CACNA2D1: variants seen among roughly 807,000 people sequenced by gnomAD.
CACNA2D1 encodes calcium voltage-gated channel auxiliary subunit alpha2delta 1, also known as voltage-dependent calcium channel subunit alpha-2/delta-1.
CACNA2D1 carries 53 observed loss-of-function variants against 171.5 expected under a neutral mutation model. The ratio of observed to expected loss-of-function variants is 0.31; its 90% CI spans 0.25 to 0.39. The LOEUF (loss-of-function observed/expected upper bound fraction) is 0.39, where lower values mean the gene tolerates loss of function less well. CACNA2D1 is among the 10% of genes least tolerant of loss of function. The probability of loss-of-function intolerance (pLI) is 1.00; values close to 1 mark genes in which losing one functional copy is unlikely to be tolerated. For synonymous variants in CACNA2D1, 442 were observed against 443.1 expected (o/e 1.00, Z 0.03); for missense variants, 903 against 1,299.8 (o/e 0.69, Z 4.69).
intron 4 of CACNA2D1, among the ~76,000 whole-genome samples, chr7:82,139,616 C>T (rs138499483): frequency 4.7e-4 from 71 of 152,184 alleles, no homozygotes; most frequent in African/African-American, 5.1e-4. Flanking sequence ...TAAGTGTTAA[C>T]GAATTTGTAC....
chr7:82,090,000 T>C (rs1019054350), intron 6 of CACNA2D1, among the ~76,000 whole-genome samples: 7 of 152,206 alleles, frequency 4.6e-5, no homozygotes, highest in African/African-American at 1.2e-4. Context: ...TGAGATGTCA[T>C]TGACATATAA....
At chr7:82,324,391 T>TA (rs58332794) in intron 3 of CACNA2D1, among the ~76,000 whole-genome samples, 75,530 of 142,530 alleles carry the variant, frequency 0.53, 21,078 homozygotes, top group East Asian at 0.79. Flanking sequence ...GGAGTTGTTT[T>TA]AAAAAAAAAA....
At chr7:82,425,046 T>G (rs1829053083) in intron 1 of CACNA2D1, among the ~76,000 whole-genome samples, 1 of 152,204 alleles carries the variant, frequency 6.6e-6, no homozygotes, top group Non-Finnish European at 1.5e-5. Context: ...TGAAGGGATG[T>G]CACTCCCTTA....
chr7:82,074,046 AG>A (rs1400306344), intron 7 of CACNA2D1, among the ~76,000 whole-genome samples: 1 of 152,230 alleles, frequency 6.6e-6, no homozygotes, highest in East Asian at 1.9e-4. Flanking sequence ...AATATAATAC[AG>A]GGGTAAACAA....
At chr7:82,193,856 A>G (rs907610518) in intron 3 of CACNA2D1, among the ~76,000 whole-genome samples, 21 of 152,148 alleles carry the variant, frequency 1.4e-4, no homozygotes, top group African/African-American at 5.1e-4. Context: ...AAAATCAAAG[A>G]ACGTATTTAC....
intron 10 of CACNA2D1, among the ~76,000 whole-genome samples, chr7:82,046,338 T>C (rs898147090): frequency 2.6e-5 from 4 of 152,190 alleles, no homozygotes; most frequent in Non-Finnish European, 5.9e-5. Flanking sequence ...CATAAATATC[T>C]TCACTAATGA....
At chr7:81,986,628 A>G (rs1263664463) in intron 21 of CACNA2D1, among the ~76,000 whole-genome samples, 2 of 152,210 alleles carry the variant, frequency 1.3e-5, no homozygotes, top group Non-Finnish European at 2.9e-5. Flanking sequence ...AGCAAAATGA[A>G]TGGATGCTTG....
intron 38 of CACNA2D1, among the ~76,000 whole-genome samples, chr7:81,957,382 A>C (rs765240053): frequency 2.6e-5 from 4 of 152,142 alleles, no homozygotes; most frequent in Admixed American, 1.3e-4. Flanking sequence ...TTAATATCGC[A>C]GATTTAGGAA....
intron 24 of CACNA2D1, among the ~76,000 whole-genome samples, chr7:81,975,365 T>G (rs947523504): frequency 1.3e-5 from 2 of 152,188 alleles, no homozygotes; most frequent in Admixed American, 6.5e-5. Flanking sequence ...AAAGTGGCAA[T>G]GTTTTACATA....
chr7:81,970,723 G>T lies in CACNA2D1; in HGVS notation c.2156C>A (p.Ala719Glu). 1 of 1,589,668 alleles carries T rather than the reference G, an allele frequency of 6.3e-7. No homozygotes were observed. The highest frequency in any genetic ancestry group is 8.6e-7 in the Non-Finnish European group (1 of 1,158,442). Residue 719 changes from alanine to glutamate, a missense_variant, in exon 27 of 39, where the codon GCA becomes GAA. Physicochemically the swap from Ala to Glu is moderately radical, Grantham distance 107. This residue lies in a region of CACNA2D1 where 623 missense variants were observed against 925.5 expected (regional missense o/e 0.67). Coordinates refer to ENST00000356860, the MANE Select transcript of CACNA2D1 (RefSeq NM_000722.4). ...SKQKNIKGVK[A>E]RFVVTDGGIT... The stretch of plus-strand genomic sequence containing the variant: ...CCCACCATCAGTCACAACAAATCGT[G>T]CTTTCACTCCCTTGCTGAAACAGAA...
intron 7 of CACNA2D1, among the ~76,000 whole-genome samples, chr7:82,074,484 T>C (rs1298541351): frequency 6.6e-6 from 1 of 152,182 alleles, no homozygotes; most frequent in Non-Finnish European, 1.5e-5. Context: ...CTCCTTGGCC[T>C]CCTAAACTGC....
In CACNA2D1 at chr7:82,050,631, G is replaced by A. The variant is rs1215131759; in HGVS notation, c.879+9797C>T. The A allele has an allele frequency of 4.3e-6, 3 of 702,510 alleles. No individual in the cohort carries two copies. In the East Asian group the frequency reaches 8.1e-5, roughly 19 times the overall value. The allele number at this position is 702,510 out of a possible 1,614,324, so 43.5% of individuals were successfully genotyped here. On this transcript the variant is annotated intron_variant, in intron 10 of 38. Transcript: ENST00000356860. ...GAAGGAGAAATCTCTTTACTATCCT[G>A]GAATGCAAATAAATCTGAATAAATT...
intron 38 of CACNA2D1, among the ~76,000 whole-genome samples, chr7:81,957,864 AT>A (rs1793609826): frequency 6.6e-6 from 1 of 152,124 alleles, no homozygotes; most frequent in South Asian, 2.1e-4. Context: ...GCCTCCTAGA[AT>A]AATATTTTGG....
chr7:82,226,130 T>G (rs895261349), intron 3 of CACNA2D1, among the ~76,000 whole-genome samples: 5 of 152,208 alleles, frequency 3.3e-5, no homozygotes, highest in African/African-American at 1.2e-4. Context: ...GGACTTCTTT[T>G]GCAAAGCACA....
chr7:81,985,216 T>TC (rs1554338977), intron 21 of CACNA2D1, among the ~76,000 whole-genome samples: 1 of 149,056 alleles, frequency 6.7e-6, no homozygotes, highest in African/African-American at 2.5e-5. Flanking sequence ...TTTTTTTTTT[T>TC]TGGAGACAAG....
chr7:82,250,352 G>A (rs185391226), intron 3 of CACNA2D1, among the ~76,000 whole-genome samples: 80 of 152,272 alleles, frequency 5.3e-4, no homozygotes, highest in African/African-American at 1.9e-3. Flanking sequence ...ATAATACTAC[G>A]TGGAGAGAGA....
chr7:81,957,563 C>T (rs1303209465), intron 38 of CACNA2D1, among the ~76,000 whole-genome samples: 2 of 152,010 alleles, frequency 1.3e-5, no homozygotes, highest in South Asian at 4.2e-4. Flanking sequence ...TAATAACGGG[C>T]AAAGTAGCAA....
At chr7:82,337,176 A>T (rs1818097914) in intron 2 of CACNA2D1, among the ~76,000 whole-genome samples, 1 of 152,200 alleles carries the variant, frequency 6.6e-6, no homozygotes, top group Non-Finnish European at 1.5e-5. Context: ...TAACTCACAA[A>T]TAAATGTGAA....
chr7:82,111,257 T>C (rs909848666), intron 6 of CACNA2D1, among the ~76,000 whole-genome samples: 6 of 143,398 alleles, frequency 4.2e-5, no homozygotes, highest in Non-Finnish European at 9.0e-5. Context: ...TTTTCCTTGA[T>C]ATATATATAT....
Sources: allele counts gnomAD v4.1 joint callset (sites outside exome capture counted in the v4.1 genomes callset), GRCh38; gene constraint gnomAD v4.1.1; regional missense constraint gnomAD v4.1.1; transcripts MANE v1.5; gene names NCBI Gene and HGNC (gene_info 2026-07-23, HGNC 2026-07-21).